The following ACVR2A variants were observed in gnomAD, a reference collection of about 807,000 sequenced individuals.
ACVR2A encodes the protein activin A receptor type 2A.
A neutral mutation model predicts 61.4 loss-of-function variants in ACVR2A; 7 were observed. The ratio of observed to expected loss-of-function variants is 0.11; its 90% CI spans 0.06 to 0.21. The LOEUF is 0.21. Ranked by LOEUF, ACVR2A falls within the 10% of genes least tolerant of loss-of-function variation. ACVR2A has a pLI of 1.00. For missense variants in ACVR2A, 322 were observed against 621.7 expected, an observed-to-expected ratio of 0.52 and a Z score of 5.13; for synonymous variants, 193 against 208.3, an observed-to-expected ratio of 0.93 and a Z score of 0.63.
At chr2:147,873,051 G>T (rs1686062532) in intron 1 of ACVR2A, among the ~76,000 whole-genome samples, 1 of 151,900 alleles carries the variant, frequency 6.6e-6, no homozygotes, top group African/African-American at 2.4e-5. Context: ...CATTATTTGT[G>T]ATGAGACATC....
In ACVR2A at chr2:147,928,877, C is replaced by CTGTG. The variant is rs1298038369; in HGVS notation, c.*1605_*1608dup. 1 of 152,368 alleles carries CTGTG rather than the reference C, an allele frequency of 6.6e-6. No homozygotes were observed. Among genetic ancestry groups the CTGTG allele is most frequent in the African/African-American group, 2.4e-5 (1 of 41,400 alleles). 9.4% of individuals were successfully genotyped at this position (152,368 alleles called of 1,614,324 possible). A position where few individuals can be genotyped will look rare whatever the true frequency, so the allele number is the denominator to read the frequency against. On this transcript the variant is annotated 3_prime_UTR_variant, in exon 11 of 11. Coordinates refer to ENST00000241416, the MANE Select transcript of ACVR2A (RefSeq NM_001616.5). ...TAATCAACAAATAGCCAGTATTATGCTGTGTATTTCTGTCAGGTCATTTTA... is the reference window on the plus strand; with the variant it reads ...TAATCAACAAATAGCCAGTATTATGCTGTGTGTGTATTTCTGTCAGGTCATTTTA...
chr2:147,887,245 G>T (rs1686463262), intron 1 of ACVR2A, among the ~76,000 whole-genome samples: 1 of 151,806 alleles, frequency 6.6e-6, no homozygotes, highest in Admixed American at 6.6e-5. Context: ...AGGGAAACTA[G>T]TGAAAATGTG....
chr2:147,875,238 AT>A (rs1400383660), intron 1 of ACVR2A, among the ~76,000 whole-genome samples: 1 of 151,940 alleles, frequency 6.6e-6, no homozygotes, highest in East Asian at 1.9e-4. Context: ...TCTACCCATA[AT>A]ACTCTTTTCC....
chr2:147,887,253 G>A (rs1686463338), intron 1 of ACVR2A, among the ~76,000 whole-genome samples: 1 of 151,620 alleles, frequency 6.6e-6, no homozygotes, highest in African/African-American at 2.4e-5. Context: ...TAGTGAAAAT[G>A]TGATTAAAGA....
rs144974522 is a variant in ACVR2A at position 147,866,416 on chromosome 2, C to T, written c.55+21209C>T. Among the ~76,000 whole-genome samples the T allele has an allele frequency of 1.2e-3, 186 of 152,244 alleles. 3 individuals carry two copies. The East Asian group carries it at 0.034, about 28-fold the overall frequency. Reference sequence around the variant, plus strand: ...AGTGGGGCCTGAGGTTCCGCATTTCCAAGAGGCTCCCAGTGATGCCATGCT... The same window carrying T: ...AGTGGGGCCTGAGGTTCCGCATTTCTAAGAGGCTCCCAGTGATGCCATGCT... On this transcript the variant is annotated intron_variant, in intron 1 of 10. Transcript: ENST00000241416.
chr2:147,884,718 C>G (rs945139931), intron 1 of ACVR2A, among the ~76,000 whole-genome samples: 1 of 152,130 alleles, frequency 6.6e-6, no homozygotes, highest in Non-Finnish European at 1.5e-5. Flanking sequence ...AAAGCTTCAT[C>G]TCTGTATTCT....
At chr2:147,908,219 C>T (rs1254718605) in intron 4 of ACVR2A, among the ~76,000 whole-genome samples, 1 of 152,058 alleles carries the variant, frequency 6.6e-6, no homozygotes, top group Non-Finnish European at 1.5e-5. Flanking sequence ...TTTTCAGCTA[C>T]ACTTGCAGAA....
At chr2:147,920,365 A>G in intron 8 of ACVR2A, 21 bp downstream of exon 8, 1 of 1,546,718 alleles carries the variant, frequency 6.5e-7, no homozygotes, top group East Asian at 2.3e-5. Flanking sequence ...TGATTATAAA[A>G]TGTAAGAAAA....
chr2:147,849,288 A>G (rs544307725), intron 1 of ACVR2A, among the ~76,000 whole-genome samples: 1 of 152,250 alleles, frequency 6.6e-6, no homozygotes, highest in South Asian at 2.1e-4. Flanking sequence ...CTTTATTTTT[A>G]CTGACATCAT....
In ACVR2A at chr2:147,879,964, A is replaced by G. The variant is rs181639861; in HGVS notation, c.56-16337A>G. Among the ~76,000 whole-genome samples, 22 of 152,180 alleles carry G rather than the reference A, an allele frequency of 1.4e-4. No homozygotes were observed. In the East Asian group the frequency reaches 3.3e-3, roughly 23 times the overall value. ...GCTTATGCCTTAAACCTCTTCCCTG[A>G]TGTTCTTTTTTGTTGTTGTTTCAAT... On this transcript the variant is annotated intron_variant, in intron 1 of 10. Coordinates refer to ENST00000241416, the MANE Select transcript of ACVR2A (RefSeq NM_001616.5).
At chr2:147,903,376 C>T (rs1686916576) in intron 4 of ACVR2A, among the ~76,000 whole-genome samples, 1 of 151,194 alleles carries the variant, frequency 6.6e-6, no homozygotes, top group Admixed American at 6.6e-5. Flanking sequence ...AAGTCCTGTT[C>T]ATTCACCTTT....
At chr2:147,864,849 T>C (rs995186073) in intron 1 of ACVR2A, among the ~76,000 whole-genome samples, 2 of 152,174 alleles carry the variant, frequency 1.3e-5, no homozygotes, top group Non-Finnish European at 2.9e-5. Context: ...CCAGGTACTA[T>C]GGAGCTTACA....
chr2:147,851,033 A>G (rs1377849879), intron 1 of ACVR2A, among the ~76,000 whole-genome samples: 1 of 151,998 alleles, frequency 6.6e-6, no homozygotes, highest in Admixed American at 6.6e-5. Flanking sequence ...ATTTTCTGTT[A>G]CTTGATTATT....
At chr2:147,849,316 G>GCCAACCAAGA (rs1685392898) in intron 1 of ACVR2A, among the ~76,000 whole-genome samples, 1 of 152,146 alleles carries the variant, frequency 6.6e-6, no homozygotes, top group African/African-American at 2.4e-5. Flanking sequence ...CCTTATGGCG[G>GCCAACCAAGA]TATTCGTGTG....
At chr2:147,911,556 T>C (rs1687111797) in intron 4 of ACVR2A, among the ~76,000 whole-genome samples, 1 of 152,124 alleles carries the variant, frequency 6.6e-6, no homozygotes, top group Non-Finnish European at 1.5e-5. Flanking sequence ...CATATAATGA[T>C]AGAGGTAAGA....
chr2:147,889,110 T>C (rs1686515558), intron 1 of ACVR2A, among the ~76,000 whole-genome samples: 1 of 152,182 alleles, frequency 6.6e-6, no homozygotes, highest in Non-Finnish European at 1.5e-5. Flanking sequence ...TTAGATTGTG[T>C]GATTGATTTT....
chr2:147,890,411 A>C (rs577953402), intron 1 of ACVR2A, among the ~76,000 whole-genome samples: 5 of 151,994 alleles, frequency 3.3e-5, no homozygotes, highest in African/African-American at 1.2e-4. Flanking sequence ...TAGCATGTAT[A>C]TATATAGTGT....
chr2:147,886,485 G>A (rs1686434994), intron 1 of ACVR2A, among the ~76,000 whole-genome samples: 1 of 152,154 alleles, frequency 6.6e-6, no homozygotes, highest in African/African-American at 2.4e-5. Flanking sequence ...TCCCGAAACA[G>A]TTCTTATTTT....
chr2:147,911,945 C>A (rs866576054), intron 4 of ACVR2A, among the ~76,000 whole-genome samples: 1 of 151,980 alleles, frequency 6.6e-6, no homozygotes, highest in Admixed American at 6.6e-5. Context: ...ATTTTCTAAT[C>A]CAGCCCATTG....
Sources: allele counts gnomAD v4.1 joint callset (sites outside exome capture counted in the v4.1 genomes callset), GRCh38; gene constraint gnomAD v4.1.1; transcripts MANE v1.5; gene names NCBI Gene and HGNC (gene_info 2026-07-23, HGNC 2026-07-21).